Variants in RPS6KB1 observed in about 807,000 individuals in gnomAD.
The protein encoded by RPS6KB1 is ribosomal protein S6 kinase B1.
RPS6KB1 carries 12 observed loss-of-function variants against 70.2 expected under a neutral mutation model. That is an observed-to-expected ratio of 0.17 (90% confidence interval 0.11 to 0.28). The LOEUF (loss-of-function observed/expected upper bound fraction) is 0.28. RPS6KB1 is among the 10% of genes least tolerant of loss of function. The pLI, the probability that RPS6KB1 is intolerant of heterozygous loss-of-function variation, is 1.00. For synonymous variants in RPS6KB1, 175 were observed against 211.2 expected (o/e 0.83, Z 1.49); for missense variants, 270 against 646.6 (o/e 0.42, Z 6.32).
chr17:59,908,196 AT>A (rs924650940), intron 1 of RPS6KB1, among the ~76,000 whole-genome samples: 349 of 143,756 alleles, frequency 2.4e-3, no homozygotes, highest in Non-Finnish European at 2.3e-3. Context: ...CAAAATATAC[AT>A]TTTTTTTTTT....
chr17:59,899,901 G>A (rs1422847993), intron 1 of RPS6KB1, among the ~76,000 whole-genome samples: 2 of 151,906 alleles, frequency 1.3e-5, no homozygotes, highest in African/African-American at 2.4e-5. Context: ...ATGATAGCTC[G>A]TGCCTGTAAT....
chr17:59,901,371 G>A (rs1484129325), intron 1 of RPS6KB1, among the ~76,000 whole-genome samples: 3 of 150,824 alleles, frequency 2.0e-5, no homozygotes, highest in Non-Finnish European at 3.0e-5. Context: ...GGATGGTCTC[G>A]ATCTCCTGAC....
At chr17:59,900,411 C>T (rs554967719) in intron 1 of RPS6KB1, among the ~76,000 whole-genome samples, 1 of 151,912 alleles carries the variant, frequency 6.6e-6, no homozygotes, top group Non-Finnish European at 1.5e-5. Flanking sequence ...TGTCATCCAG[C>T]CTGGAGTGCA....
In RPS6KB1 at chr17:59,930,047, ACT is replaced by A. The variant is rs1206267880; in HGVS notation, c.530-64_530-63del. The A allele has an allele frequency of 8.7e-5, 72 of 826,432 alleles. No individual in the cohort carries two copies. The East Asian group carries it at 1.5e-3, about 17-fold the overall frequency. 51.2% of individuals were successfully genotyped at this position (826,432 alleles called of 1,614,324 possible). On this transcript the variant is annotated intron_variant, in intron 5 of 14. Coordinates refer to ENST00000225577, the MANE Select transcript of RPS6KB1 (RefSeq NM_003161.4). The stretch of plus-strand genomic sequence containing the variant: ...AATTATGGTTAGAAGGAAAGCACAA[ACT>A]CTCTCATTAGAAGTGGGTTGGAAAT...
At chr17:59,917,874 G>A (rs192512901) in intron 4 of RPS6KB1, among the ~76,000 whole-genome samples, 3 of 152,216 alleles carry the variant, frequency 2.0e-5, no homozygotes, top group Non-Finnish European at 2.9e-5. Flanking sequence ...CTCCTGGACC[G>A]ATCATCTAAT....
At chr17:59,908,336 G>A (rs780821491) in intron 1 of RPS6KB1, among the ~76,000 whole-genome samples, 1 of 151,558 alleles carries the variant, frequency 6.6e-6, no homozygotes, top group African/African-American at 2.4e-5. Context: ...GGGATTACAG[G>A]CACCCACCAC....
intron 2 of RPS6KB1, among the ~76,000 whole-genome samples, chr17:59,911,140 G>A (rs974951557): frequency 2.6e-4 from 40 of 152,026 alleles, no homozygotes; most frequent in Non-Finnish European, 2.8e-4. Context: ...AAAATTAGCC[G>A]GGCGACATAG....
intron 1 of RPS6KB1, among the ~76,000 whole-genome samples, chr17:59,901,625 G>GAAAAAAAAAAAAAAAAAAA (rs58530265): frequency 1.3e-5 from 1 of 79,190 alleles, no homozygotes; most frequent in African/African-American, 5.7e-5. Context: ...CCCTGTCTCT[G>GAAAAAAAAAAAAAAAAAAA]AAAAAAAAAA....
intron 4 of RPS6KB1, among the ~76,000 whole-genome samples, chr17:59,923,161 C>CT (rs76413553): frequency 0.014 from 1,980 of 139,394 alleles, 27 homozygotes; most frequent in East Asian, 0.046. Flanking sequence ...CGCACCTGGT[C>CT]TTTTTTTTTT....
chr17:59,938,138 GTTTT>G (rs759698631), intron 12 of RPS6KB1, among the ~76,000 whole-genome samples: 1 of 66,870 alleles, frequency 1.5e-5, no homozygotes, highest in South Asian at 5.5e-4. Context: ...TTCCTTAGTT[GTTTT>G]TTTTTTTTTT....
chr17:59,908,596 G>A (rs962076860), intron 1 of RPS6KB1, among the ~76,000 whole-genome samples: 8 of 146,320 alleles, frequency 5.5e-5, no homozygotes, highest in African/African-American at 1.8e-4. Context: ...CTACAGTTAA[G>A]TTGTCATGTA....
At position 59,934,292 on chromosome 17, in the gene RPS6KB1, G is replaced by T; in HGVS notation, c.779+32G>T. On this transcript the variant is annotated intron_variant, in intron 8 of 14. Transcript: ENST00000225577. This position sits in a 1 kb window ranked among gnomAD's most constrained non-coding sequence, Gnocchi z 4.8. ...TACATGTTAAACATAATTGGTTTGG[G>T]GGTAATAGCTAATTTTACCTGTTTT... is the stretch of plus-strand genomic sequence containing the variant. 6.6e-7 allele frequency: 1 copy of T among 1,516,760 alleles called. No individual in the cohort carries two copies. Among genetic ancestry groups the T allele is most frequent in the Non-Finnish European group, 9.2e-7 (1 of 1,091,632 alleles). 94.0% of individuals were successfully genotyped at this position (1,516,760 alleles called of 1,614,324 possible).
chr17:59,919,489 C>CT (rs199985783), intron 4 of RPS6KB1, among the ~76,000 whole-genome samples: 2 of 151,452 alleles, frequency 1.3e-5, no homozygotes, highest in Non-Finnish European at 1.5e-5. Context: ...GTCTGTAGAT[C>CT]TTTTTTTTTC....
chr17:59,944,791 C>CTTTTTTTTTTT (rs3066277), intron 13 of RPS6KB1, among the ~76,000 whole-genome samples: 1 of 134,484 alleles, frequency 7.4e-6, no homozygotes, highest in Non-Finnish European at 1.6e-5. Context: ...TATTTAACAT[C>CTTTTTTTTTTT]TTTTTTTTTT....
chr17:59,901,050 A>T (rs1342157040), intron 1 of RPS6KB1, among the ~76,000 whole-genome samples: 1 of 151,668 alleles, frequency 6.6e-6, no homozygotes, highest in Non-Finnish European at 1.5e-5. Context: ...AATCCCAGCT[A>T]CTTGGGAGAC....
At chr17:59,897,285 A>G (rs1205991463) in intron 1 of RPS6KB1, among the ~76,000 whole-genome samples, 3 of 152,224 alleles carry the variant, frequency 2.0e-5, no homozygotes, top group South Asian at 4.1e-4. Context: ...TTTCTATAAC[A>G]TGAGGGTTAC....
At chr17:59,929,271 CAGGCAT>C (rs913439132) in intron 5 of RPS6KB1, among the ~76,000 whole-genome samples, 2 of 152,100 alleles carry the variant, frequency 1.3e-5, no homozygotes, top group African/African-American at 2.4e-5. Context: ...GCTGGGATTA[CAGGCAT>C]GCACCACCAC....
intron 4 of RPS6KB1, among the ~76,000 whole-genome samples, chr17:59,920,257 AT>A (rs2144864630): frequency 6.6e-6 from 1 of 152,228 alleles, no homozygotes; most frequent in South Asian, 2.1e-4. Context: ...ACCGCAGGTG[AT>A]CCACCCTTCT....
chr17:59,927,208 C>T (rs1195265073), intron 5 of RPS6KB1, among the ~76,000 whole-genome samples: 22 of 151,642 alleles, frequency 1.5e-4, no homozygotes, highest in South Asian at 8.4e-4. Flanking sequence ...CTCAGCCTCC[C>T]GAGTAGCTGG....
Sources: gnomAD v4.1 joint callset for allele counts (sites outside exome capture counted in the v4.1 genomes callset) on GRCh38, gnomAD v4.1.1 for gene constraint, Gnocchi (gnomAD v3.1) non-coding constraint, MANE v1.5 for transcripts, NCBI Gene and HGNC (gene_info 2026-07-23, HGNC 2026-07-21) for gene names.